Variants in RNF220 observed in about 807,000 individuals in gnomAD.
RNF220 encodes the protein ring finger protein 220.
A neutral mutation model predicts 67.1 loss-of-function variants in RNF220; 7 were observed. That is an observed-to-expected ratio of 0.10 (90% CI 0.06 to 0.20). The LOEUF (loss-of-function observed/expected upper bound fraction) is 0.20, where lower values mean the gene tolerates loss of function less well. RNF220 is among the 10% of genes least tolerant of loss of function. The probability of loss-of-function intolerance (pLI) is 1.00; values close to 1 mark genes in which losing one functional copy is unlikely to be tolerated. For synonymous variants in RNF220, 270 were observed against 283.2 expected (o/e 0.95, Z 0.47); for missense variants, 565 against 740.3 (o/e 0.76, Z 2.75).
chr1:44,442,178 G>T (rs573035677), intron 2 of RNF220, among the ~76,000 whole-genome samples: 1 of 152,008 alleles, frequency 6.6e-6, no homozygotes, highest in Non-Finnish European at 1.5e-5. Flanking sequence ...ACCTAAGCTG[G>T]AGTTCATGGC....
intron 2 of RNF220, among the ~76,000 whole-genome samples, chr1:44,510,368 G>A (rs1037023831): frequency 3.3e-5 from 5 of 152,182 alleles, no homozygotes; most frequent in Non-Finnish European, 7.4e-5. Context: ...CCAGGGCACA[G>A]TGGAGCAGCA....
chr1:44,430,210 G>A (rs7546213), intron 2 of RNF220, among the ~76,000 whole-genome samples: 6,421 of 152,144 alleles, frequency 0.042, 457 homozygotes, highest in African/African-American at 0.15. Flanking sequence ...AGGAAGAAGC[G>A]AGTAAGACTT....
chr1:44,616,909 C>T (rs900216279), intron 3 of RNF220, among the ~76,000 whole-genome samples: 1 of 152,190 alleles, frequency 6.6e-6, no homozygotes, highest in Non-Finnish European at 1.5e-5. Context: ...AGGGCATGCA[C>T]TTCTGCCAAC....
chr1:44,553,983 G>C lies in RNF220; in HGVS notation c.626-60182G>C, dbSNP rs148358923. 4.0e-3 allele frequency among the ~76,000 whole-genome samples: 612 copies of C among 152,250 alleles called. 8 individuals carry two copies. Among genetic ancestry groups the C allele is most frequent in the South Asian group, 0.025 (120 of 4,832 alleles). On this transcript the variant is annotated intron_variant, in intron 2 of 14. Transcript: ENST00000361799. ...CCCTTGGCTGGCAGAGAAGGAGCCA[G>C]GGCAATACTCACCCCAACTGCTTCT...
intron 2 of RNF220, among the ~76,000 whole-genome samples, chr1:44,511,916 C>CGTGT (rs71728249): frequency 0.1 from 15,422 of 147,646 alleles, 935 homozygotes; most frequent in African/African-American, 0.14. Context: ...CGTGTGTGTG[C>CGTGT]GTGTGTGTGT....
At position 44,649,375 on chromosome 1, in the gene RNF220, G is replaced by A. The variant is rs1319513328; in HGVS notation, c.1446-286G>A. On this transcript the variant is annotated intron_variant, in intron 12 of 14. Coordinates refer to ENST00000361799, the MANE Select transcript of RNF220 (RefSeq NM_018150.4). The surrounding 1 kb of genome is among the most constrained non-coding windows in gnomAD (Gnocchi z 5.9). ...AGGAGAGATGCCGGAGATACTAGGA[G>A]AGATGACAGATTTGGGTGGTTGGGA... The A allele has an allele frequency of 2.1e-6, 1 of 485,386 alleles. No individual in the cohort carries two copies. Among genetic ancestry groups the A allele is most frequent in the Non-Finnish European group, 3.8e-6 (1 of 265,940 alleles). 30.1% of individuals were successfully genotyped at this position (485,386 alleles called of 1,614,324 possible). A position where few individuals can be genotyped will look rare whatever the true frequency, so the allele number is the denominator to read the frequency against.
rs570573020 is a variant in RNF220, at chr1:44,433,927, T to C, written c.625+21205T>C. On this transcript the variant is annotated intron_variant, in intron 2 of 14. Coordinates refer to ENST00000361799, the MANE Select transcript of RNF220 (RefSeq NM_018150.4). ...CAGTGAGCCGAGGTTGTGCCACTAT[T>C]CTCCAGCCTGGGTGACAGAGCGAGA... is the stretch of plus-strand genomic sequence containing the variant. 2.8e-4 allele frequency among the ~76,000 whole-genome samples: 42 copies of C among 151,884 alleles called. No homozygotes were observed. In the South Asian group the frequency reaches 3.7e-3, roughly 14 times the overall value.
At position 44,646,566 on chromosome 1, in the gene RNF220, G is replaced by A. The variant is rs569110227; in HGVS notation, c.1445+1078G>A. ...CTCCTACTCCAGCTGAGCAGGGCGGGCGGGGTTGTAAGGGGCACCCACCCT... is the reference window on the plus strand; with the variant it reads ...CTCCTACTCCAGCTGAGCAGGGCGGACGGGGTTGTAAGGGGCACCCACCCT... On this transcript the variant is annotated intron_variant, in intron 12 of 14. Transcript: ENST00000361799. Among the ~76,000 whole-genome samples, 144 of 152,346 alleles carry A rather than the reference G, an allele frequency of 9.5e-4. 1 individual carries two copies. The highest frequency in any genetic ancestry group is 3.4e-3 in the African/African-American group (140 of 41,588).
At chr1:44,607,784 C>T (rs546736355) in intron 2 of RNF220, among the ~76,000 whole-genome samples, 214 of 152,110 alleles carry the variant, frequency 1.4e-3, no homozygotes, top group Admixed American at 5.0e-3. Context: ...CCACCACGCC[C>T]GGCCAAATGT....
chr1:44,646,798 T>A (rs759793064), intron 12 of RNF220, among the ~76,000 whole-genome samples: 1 of 152,150 alleles, frequency 6.6e-6, no homozygotes, highest in Non-Finnish European at 1.5e-5. Context: ...GGCTCAGTCA[T>A]GTGCAGAGCT....
intron 2 of RNF220, among the ~76,000 whole-genome samples, chr1:44,603,188 C>T (rs971342125): frequency 4.6e-5 from 7 of 152,188 alleles, no homozygotes; most frequent in Non-Finnish European, 8.8e-5. Flanking sequence ...TCCTTATCGG[C>T]GTATTATTTT....
At chr1:44,613,267 A>C (rs975782652) in intron 2 of RNF220, among the ~76,000 whole-genome samples, 1 of 150,182 alleles carries the variant, frequency 6.7e-6, no homozygotes, top group Non-Finnish European at 1.5e-5. Flanking sequence ...CAGAGGCCAC[A>C]GAGCATCCAT....
chr1:44,587,546 C>G (rs1320905316), intron 2 of RNF220, among the ~76,000 whole-genome samples: 1 of 152,134 alleles, frequency 6.6e-6, no homozygotes, highest in Non-Finnish European at 1.5e-5. Flanking sequence ...CCCCTCTGTG[C>G]TGGCCTCGGC....
intron 2 of RNF220, among the ~76,000 whole-genome samples, chr1:44,523,677 G>C: frequency 6.6e-6 from 1 of 152,068 alleles, no homozygotes; most frequent in South Asian, 2.1e-4. Context: ...AACCTGCTTC[G>C]CATGGTGTTA....
chr1:44,634,827 C>T (rs748469748), intron 6 of RNF220, among the ~76,000 whole-genome samples: 3 of 152,202 alleles, frequency 2.0e-5, no homozygotes, highest in Non-Finnish European at 2.9e-5. Context: ...CCTCTGCCTC[C>T]AGGGCCTGCC....
chr1:44,496,344 A>G (rs1218121561), intron 2 of RNF220, among the ~76,000 whole-genome samples: 1 of 152,226 alleles, frequency 6.6e-6, no homozygotes, highest in Non-Finnish European at 1.5e-5. Flanking sequence ...AGTCACTAAT[A>G]TTTATAACTG....
In RNF220 at chr1:44,613,317, A is replaced by G. The variant is rs1643396316; in HGVS notation, c.626-848A>G. 2.1e-5 allele frequency among the ~76,000 whole-genome samples: 3 copies of G among 139,944 alleles called. 1 individual carries two copies. In the South Asian group the frequency reaches 7.3e-4, roughly 34 times the overall value. 91.8% of individuals were successfully genotyped at this position (139,944 alleles called of 152,430 possible). A position where few individuals can be genotyped will look rare whatever the true frequency, so the allele number is the denominator to read the frequency against. On this transcript the variant is annotated intron_variant, in intron 2 of 14. Coordinates refer to ENST00000361799, the MANE Select transcript of RNF220 (RefSeq NM_018150.4). ...GTTTCTGGATTAATAGGGCTCCCCAACCCCACACCTGTAAGCAGAGGCCAC... is the reference window on the plus strand; with the variant it reads ...GTTTCTGGATTAATAGGGCTCCCCAGCCCCACACCTGTAAGCAGAGGCCAC...
In RNF220 at chr1:44,417,714, C is replaced by G. The variant is rs1038487879; in HGVS notation, c.625+4992C>G. On this transcript the variant is annotated intron_variant, in intron 2 of 14. Coordinates refer to ENST00000361799, the MANE Select transcript of RNF220 (RefSeq NM_018150.4). This position sits in a 1 kb window ranked among gnomAD's most constrained non-coding sequence, Gnocchi z 4.0. ...TCGCGGCCGCCCGCCAGCCCCTCGCCGCTGCCGGCAGAAGGGTGGCTGGTA... is the reference window on the plus strand; with the variant it reads ...TCGCGGCCGCCCGCCAGCCCCTCGCGGCTGCCGGCAGAAGGGTGGCTGGTA... Among the ~76,000 whole-genome samples, 7 of 152,286 alleles carry G rather than the reference C, an allele frequency of 4.6e-5. No homozygotes were observed. The highest frequency in any genetic ancestry group is 1.4e-4 in the African/African-American group (6 of 41,568).
rs1038895357 is a variant in RNF220, at chr1:44,405,282, G to C, written c.-366G>C. On this transcript the variant is annotated 5_prime_UTR_variant, in exon 1 of 15. Coordinates refer to ENST00000361799, the MANE Select transcript of RNF220 (RefSeq NM_018150.4). The stretch of plus-strand genomic sequence containing the variant: ...TCACTGATTAGATCCAGCGCTGAGA[G>C]GCAGCACTGCTCCTTCTCTCACGCC... The C allele has an allele frequency of 1.2e-5, 5 of 432,172 alleles. No individual in the cohort carries two copies. The highest frequency in any genetic ancestry group is 4.2e-5 in the African/African-American group (2 of 47,436). 26.8% of individuals were successfully genotyped at this position (432,172 alleles called of 1,614,324 possible). A position where few individuals can be genotyped will look rare whatever the true frequency, so the allele number is the denominator to read the frequency against.
Sources: gnomAD v4.1 joint callset for allele counts (sites outside exome capture counted in the v4.1 genomes callset) on GRCh38, gnomAD v4.1.1 for gene constraint, Gnocchi (gnomAD v3.1) non-coding constraint, MANE v1.5 for transcripts, NCBI Gene and HGNC (gene_info 2026-07-23, HGNC 2026-07-21) for gene names.